Variants in PSEN1 observed in about 807,000 individuals in gnomAD.
PSEN1 encodes presenilin 1, also known as presenilin-1.
In PSEN1, 15 loss-of-function variants were observed where a neutral mutation model predicts 53.5. The ratio of observed to expected loss-of-function variants is 0.28; its 90% confidence interval spans 0.19 to 0.43. PSEN1 has a LOEUF of 0.43. Ranked by LOEUF, PSEN1 falls within the 20% of genes least tolerant of loss-of-function variation. The pLI is 1.00. For missense variants in PSEN1, 387 were observed against 571.2 expected, an observed-to-expected ratio of 0.68 and a Z score of 3.29; for synonymous variants, 208 against 209.8, an observed-to-expected ratio of 0.99 and a Z score of 0.08.
rs188555599 is a variant in PSEN1 at position 73,163,935 on chromosome 14, A to G, written c.88-6862A>G. On this transcript the variant is annotated intron_variant, in intron 3 of 11. Transcript: ENST00000324501. ...TGACATGATCTCATTTTGTTTAAAAAAAAAAAATCATCCTGGCTGTAGTGT... is the reference window on the plus strand; with the variant it reads ...TGACATGATCTCATTTTGTTTAAAAGAAAAAAATCATCCTGGCTGTAGTGT... 7.9e-5 allele frequency among the ~76,000 whole-genome samples: 12 copies of G among 152,326 alleles called. No individual in the cohort carries two copies. The East Asian group carries it at 2.1e-3, about 27-fold the overall frequency.
chr14:73,185,463 C>T (rs1044449550), intron 5 of PSEN1, among the ~76,000 whole-genome samples: 12 of 152,206 alleles, frequency 7.9e-5, no homozygotes, highest in African/African-American at 2.4e-4. Flanking sequence ...GGCGTGGCGG[C>T]GTGAGTCTGC....
intron 3 of PSEN1, among the ~76,000 whole-genome samples, chr14:73,167,281 A>G (rs767568126): frequency 6.6e-6 from 1 of 152,194 alleles, no homozygotes; most frequent in Non-Finnish European, 1.5e-5. Context: ...CCCTGATTTG[A>G]AAGTCTGAAA....
chr14:73,191,950 G>A (rs904438284), intron 6 of PSEN1, among the ~76,000 whole-genome samples: 1 of 152,114 alleles, frequency 6.6e-6, no homozygotes, highest in Non-Finnish European at 1.5e-5. Flanking sequence ...AATTTCAGAT[G>A]TTTTAAACTA....
chr14:73,209,603 AT>A (rs577837150), intron 9 of PSEN1, among the ~76,000 whole-genome samples: 130 of 152,306 alleles, frequency 8.5e-4, no homozygotes, highest in African/African-American at 2.9e-3. Flanking sequence ...ATTTGGAGAG[AT>A]AGATGGTCAA....
intron 5 of PSEN1, among the ~76,000 whole-genome samples, chr14:73,184,413 C>A (rs866117211): frequency 4.1e-5 from 2 of 49,306 alleles, no homozygotes; most frequent in African/African-American, 7.2e-5. Flanking sequence ...CCTCCCTCTC[C>A]GACGGGGCGG....
At chr14:73,185,569 TGAGAGGGAGACCGTGGAAAGAGAGG>T (rs1254532532) in intron 5 of PSEN1, among the ~76,000 whole-genome samples, 125 of 152,094 alleles carry the variant, frequency 8.2e-4, no homozygotes, top group Middle Eastern at 3.4e-3. Flanking sequence ...CGGCTCAGCA[TGAGAGGGAGACCGTGGAAAGAGAGG>T]GAGAGGGAGA....
intron 5 of PSEN1, among the ~76,000 whole-genome samples, chr14:73,184,627 G>A (rs1456868253): frequency 8.7e-5 from 11 of 126,590 alleles, no homozygotes; most frequent in East Asian, 7.6e-4. Flanking sequence ...CGGACGGGGC[G>A]GCTGGCCGGG....
Position 73,140,474 on chromosome 14 carries a change from G to A in PSEN1, c.-136+3891G>A, listed in dbSNP as rs529009573. Among the ~76,000 whole-genome samples the A allele has an allele frequency of 5.9e-5, 9 of 152,110 alleles. 1 individual carries two copies. The South Asian group carries it at 1.9e-3, about 32-fold the overall frequency. Reference sequence around the variant, plus strand: ...TCCACCCGCCTCAGCCTCCCAAAGTGCTGGGATTACAGGTGCGAGCCACTG... The same window carrying A: ...TCCACCCGCCTCAGCCTCCCAAAGTACTGGGATTACAGGTGCGAGCCACTG... On this transcript the variant is annotated intron_variant, in intron 1 of 11. Coordinates refer to ENST00000324501, the MANE Select transcript of PSEN1 (RefSeq NM_000021.4).
chr14:73,172,890 G>A (rs1345511432), intron 4 of PSEN1, among the ~76,000 whole-genome samples: 1 of 152,134 alleles, frequency 6.6e-6, no homozygotes, highest in Non-Finnish European at 1.5e-5. Flanking sequence ...TCTGACAGTA[G>A]GAAGGAGTAG....
At chr14:73,150,625 G>A (rs959354041) in intron 3 of PSEN1, among the ~76,000 whole-genome samples, 2 of 151,754 alleles carry the variant, frequency 1.3e-5, no homozygotes, top group African/African-American at 2.4e-5. Flanking sequence ...ATTTAGCCAG[G>A]CGTGATGGCA....
At chr14:73,194,592 G>A (rs1299579642) in intron 7 of PSEN1, among the ~76,000 whole-genome samples, 17 of 130,190 alleles carry the variant, frequency 1.3e-4, no homozygotes, top group South Asian at 4.8e-4. Context: ...TTTTCAAGAC[G>A]GAGTCTGGCT....
chr14:73,141,766 CAA>C (rs972402316), intron 1 of PSEN1, among the ~76,000 whole-genome samples: 23 of 151,772 alleles, frequency 1.5e-4, no homozygotes, highest in South Asian at 4.2e-4. Context: ...GCCTGGGCGA[CAA>C]GAGTGAAACT....
chr14:73,210,523 A>G (rs768251331), intron 9 of PSEN1, among the ~76,000 whole-genome samples: 6 of 152,198 alleles, frequency 3.9e-5, no homozygotes, highest in Non-Finnish European at 5.9e-5. Context: ...ATAATTAATT[A>G]TGGAGGTAAA....
At chr14:73,191,601 G>A (rs1249081370) in intron 6 of PSEN1, among the ~76,000 whole-genome samples, 2 of 151,798 alleles carry the variant, frequency 1.3e-5, no homozygotes, top group Non-Finnish European at 2.9e-5. Flanking sequence ...AGGCTGGAGT[G>A]CAGTAGTGTG....
chr14:73,151,878 T>TATATATATATATATA (rs1897233725), intron 3 of PSEN1, among the ~76,000 whole-genome samples: 1 of 56,930 alleles, frequency 1.8e-5, no homozygotes, highest in Admixed American at 2.9e-4. Flanking sequence ...CTAAAATATT[T>TATATATATATATATA]TATATATATA....
intron 3 of PSEN1, among the ~76,000 whole-genome samples, chr14:73,163,762 G>T (rs960348802): frequency 2.6e-5 from 4 of 152,164 alleles, no homozygotes; most frequent in African/African-American, 9.7e-5. Context: ...GAACTAGAAG[G>T]CCAGTTTGAG....
At chr14:73,151,076 A>AAC (rs1415488808) in intron 3 of PSEN1, among the ~76,000 whole-genome samples, 28 of 152,222 alleles carry the variant, frequency 1.8e-4, no homozygotes, top group African/African-American at 5.5e-4. Context: ...TAAAAAAAAA[A>AAC]ACAAAAAAAA....
At chr14:73,165,653 CAGG>C (rs1296812108) in intron 3 of PSEN1, among the ~76,000 whole-genome samples, 2 of 150,964 alleles carry the variant, frequency 1.3e-5, no homozygotes, top group East Asian at 2.0e-4. Flanking sequence ...GAGGCTGAGG[CAGG>C]AGAATTGCTT....
Position 73,221,685 on chromosome 14 carries a change from G to A in PSEN1, c.*2396G>A, listed in dbSNP as rs138902912. The A allele has an allele frequency of 8.6e-4, 131 of 152,014 alleles. No homozygotes were observed. The highest frequency in any genetic ancestry group is 2.8e-3 in the African/African-American group (116 of 41,460). 9.4% of individuals were successfully genotyped at this position (152,014 alleles called of 1,614,324 possible). A position where few individuals can be genotyped will look rare whatever the true frequency, so the allele number is the denominator to read the frequency against. ...AATCCACCTCAGCCTGAGTAGCTGAGACTACAGCCCATCTTATTTCTTTAA... is the reference window on the plus strand; with the variant it reads ...AATCCACCTCAGCCTGAGTAGCTGAAACTACAGCCCATCTTATTTCTTTAA... On this transcript the variant is annotated 3_prime_UTR_variant, in exon 12 of 12. Coordinates refer to ENST00000324501, the MANE Select transcript of PSEN1 (RefSeq NM_000021.4).
Sources: gnomAD v4.1 joint callset for allele counts (sites outside exome capture counted in the v4.1 genomes callset) on GRCh38, gnomAD v4.1.1 for gene constraint, MANE v1.5 for transcripts, NCBI Gene and HGNC (gene_info 2026-07-23, HGNC 2026-07-21) for gene names.